CHRFAM7A: variants seen among roughly 807,000 people sequenced by gnomAD.
CHRFAM7A encodes CHRNA7 (exons 5-10) and FAM7A (exons A-E) fusion.
CHRFAM7A carries 3 observed loss-of-function variants against 29.2 expected under a neutral mutation model. The ratio of observed to expected loss-of-function variants is 0.10; its 90% CI spans 0.05 to 0.27. CHRFAM7A has a LOEUF of 0.27. CHRFAM7A is among the 10% of genes least tolerant of loss of function. The probability of loss-of-function intolerance (pLI) is 1.00; values close to 1 mark genes in which losing one functional copy is unlikely to be tolerated. For synonymous variants in CHRFAM7A, 7 were observed against 135.4 expected (o/e 0.05, Z 6.58); for missense variants, 22 against 328.0 (o/e 0.07, Z 7.21).
chr15:30,367,369 C>T lies in CHRFAM7A; in HGVS notation c.720+49G>A, dbSNP rs2058799421. ...TTTTAAAAATAAACCCTAGGAGGAGCCTCCTTTACAGCGGGGCTCCGACTC... is the reference window on the plus strand; with the variant it reads ...TTTTAAAAATAAACCCTAGGAGGAGTCTCCTTTACAGCGGGGCTCCGACTC... On this transcript the variant is annotated intron_variant, in intron 9 of 9. Coordinates refer to ENST00000299847, the MANE Select transcript of CHRFAM7A (RefSeq NM_139320.2). The T allele has an allele frequency of 1.9e-6, 3 of 1,583,726 alleles. No homozygotes were observed. In the East Asian group the frequency reaches 6.8e-5, roughly 36 times the overall value.
intron 1 of CHRFAM7A, among the ~76,000 whole-genome samples, chr15:30,390,090 A>T (rs1314256556): frequency 2.8e-5 from 3 of 108,352 alleles, no homozygotes; most frequent in Non-Finnish European, 5.7e-5. Flanking sequence ...CTACATATTC[A>T]ATGCGACTGT....
At chr15:30,383,485 AG>A (rs1214102216) in intron 2 of CHRFAM7A, 103 bp from the exon 3 acceptor site, 1 of 303,908 alleles carries the variant, frequency 3.3e-6, no homozygotes, top group African/African-American at 3.1e-5. Flanking sequence ...GGACAAAAAA[AG>A]AATGTGTAAA....
chr15:30,376,184 GTGTGAGTGGC>G (rs1189467033), intron 5 of CHRFAM7A, among the ~76,000 whole-genome samples: 7 of 64,136 alleles, frequency 1.1e-4, no homozygotes, highest in African/African-American at 2.5e-4. Flanking sequence ...TGTGTGGTAT[GTGTGAGTGGC>G]TGTGAGTGGT....
rs1435919163 is a variant in CHRFAM7A, at chr15:30,361,754, G to A, written c.*539C>T. ...CAGCATCAAGCTGTTTCTCTCTACCGTCTTTGATAGAAATAAAAATAAAAA... is the reference window on the plus strand; with the variant it reads ...CAGCATCAAGCTGTTTCTCTCTACCATCTTTGATAGAAATAAAAATAAAAA... On this transcript the variant is annotated 3_prime_UTR_variant, in exon 10 of 10. Coordinates refer to ENST00000299847, the MANE Select transcript of CHRFAM7A (RefSeq NM_139320.2). The A allele has an allele frequency of 9.9e-6, 1 of 101,260 alleles. No homozygotes were observed. The highest frequency in any genetic ancestry group is 4.2e-5 in the African/African-American group (1 of 23,568). 6.3% of individuals were successfully genotyped at this position (101,260 alleles called of 1,614,324 possible). A position where few individuals can be genotyped will look rare whatever the true frequency, so the allele number is the denominator to read the frequency against.
chr15:30,378,004 TTGAC>T (rs1299319785), intron 4 of CHRFAM7A, among the ~76,000 whole-genome samples: 3 of 85,190 alleles, frequency 3.5e-5, no homozygotes, highest in African/African-American at 1.5e-4. Flanking sequence ...TTTAAACACA[TTGAC>T]TGGGATTATC....
intron 5 of CHRFAM7A, among the ~76,000 whole-genome samples, chr15:30,376,071 ATGAGTGGTGTGAGTAGTG>A (rs2058931196): frequency 7.2e-6 from 1 of 138,910 alleles, no homozygotes; most frequent in Non-Finnish European, 1.5e-5. Context: ...GGTGGTGTGT[ATGAGTGGTGTGAGTAGTG>A]TGAGTGGTGT....
At chr15:30,389,470 G>A (rs1159682614) in intron 1 of CHRFAM7A, among the ~76,000 whole-genome samples, 107 of 14,236 alleles carry the variant, frequency 7.5e-3, no homozygotes, top group African/African-American at 0.017. Flanking sequence ...TAACTCTGTC[G>A]CCCAGGCTGG....
At chr15:30,374,086 T>G (rs1371803794) in intron 5 of CHRFAM7A, among the ~76,000 whole-genome samples, 2 of 119,300 alleles carry the variant, frequency 1.7e-5, no homozygotes, top group African/African-American at 3.4e-5. Flanking sequence ...TATTCCAGGC[T>G]AGGACAGGTT....
chr15:30,373,523 GGTGTGTGT>G (rs141612625), intron 5 of CHRFAM7A, among the ~76,000 whole-genome samples: 2 of 114,406 alleles, frequency 1.7e-5, no homozygotes, highest in South Asian at 2.8e-4. Context: ...GAATCTAAAA[GGTGTGTGT>G]GTGTGTGTGT....
intron 7 of CHRFAM7A, 27 bp from the exon 8 acceptor site, chr15:30,371,211 TCAGACAAAAA>T: frequency 8.6e-7 from 1 of 1,165,026 alleles, no homozygotes; most frequent in South Asian, 1.3e-5. Flanking sequence ...CAGCGGTTCC[TCAGACAAAAA>T]CAGACAAGAA....
At chr15:30,371,047 C>A in intron 8 of CHRFAM7A, 51 bp downstream of exon 8, 1 of 1,312,394 alleles carries the variant, frequency 7.6e-7, no homozygotes, top group East Asian at 2.3e-5. Context: ...CCTGGGCACA[C>A]TCTAACCCTA....
intron 4 of CHRFAM7A, among the ~76,000 whole-genome samples, chr15:30,377,696 TC>T (rs1261133666): frequency 2.1e-5 from 3 of 142,540 alleles, no homozygotes; most frequent in African/African-American, 8.0e-5. Flanking sequence ...TGCCTCAGCT[TC>T]CCGAGTAGCT....
intron 5 of CHRFAM7A, among the ~76,000 whole-genome samples, chr15:30,374,840 ATTCT>A (rs1448180650): frequency 7.7e-6 from 1 of 129,502 alleles, no homozygotes; most frequent in African/African-American, 3.0e-5. Flanking sequence ...AACTCAAAAC[ATTCT>A]TTCCTATCCA....
intron 5 of CHRFAM7A, among the ~76,000 whole-genome samples, chr15:30,375,711 TTG>T (rs1423754208): frequency 7.4e-6 from 1 of 136,026 alleles, no homozygotes; most frequent in African/African-American, 2.8e-5. Context: ...TTTGAGTGGT[TTG>T]TGTGAGTGGT....
At chr15:30,382,285 GA>G in intron 3 of CHRFAM7A, among the ~76,000 whole-genome samples, 1 of 97,318 alleles carries the variant, frequency 1.0e-5, no homozygotes. Context: ...AAGTTCCAAT[GA>G]AATTACTGTA....
intron 8 of CHRFAM7A, among the ~76,000 whole-genome samples, 191 bp downstream of exon 8, chr15:30,370,907 C>T (rs2058844223): frequency 6.6e-6 from 1 of 151,704 alleles, no homozygotes; most frequent in African/African-American, 2.4e-5. Flanking sequence ...AAAGTCAAAC[C>T]TCAAAGCTGA....
chr15:30,374,716 CAT>C (rs2058903219), intron 5 of CHRFAM7A, among the ~76,000 whole-genome samples: 1 of 118,472 alleles, frequency 8.4e-6, no homozygotes. Flanking sequence ...GTTGTTGAAT[CAT>C]GTACTTAAAA....
chr15:30,371,601 C>CATT (rs2058859168), intron 7 of CHRFAM7A, among the ~76,000 whole-genome samples: 1 of 149,850 alleles, frequency 6.7e-6, no homozygotes, highest in Non-Finnish European at 1.5e-5. Flanking sequence ...CAACATTCAA[C>CATT]CTTTCTGAAC....
chr15:30,362,203 AAT>A lies in CHRFAM7A; in HGVS notation c.*88_*89del. On this transcript the variant is annotated 3_prime_UTR_variant, in exon 10 of 10. Coordinates refer to ENST00000299847, the MANE Select transcript of CHRFAM7A (RefSeq NM_139320.2). ...AGGGAACACTGGAGTTGTGGCGTGT[AAT>A]GCTGTCCTGGATTAGCACCCCCAAA... The A allele has an allele frequency of 1.6e-5, 1 of 60,904 alleles. No individual in the cohort carries two copies. The highest frequency in any genetic ancestry group is 2.7e-5 in the Non-Finnish European group (1 of 36,492). The allele number at this position is 60,904 out of a possible 1,614,324, so 3.8% of individuals were successfully genotyped here.
Sources: allele counts gnomAD v4.1 joint callset (sites outside exome capture counted in the v4.1 genomes callset), GRCh38; gene constraint gnomAD v4.1.1; transcripts MANE v1.5; gene names NCBI Gene and HGNC (gene_info 2026-07-23, HGNC 2026-07-21).